Variants in CSNK1G2 observed in about 807,000 individuals in gnomAD.
The protein encoded by CSNK1G2 is casein kinase 1 gamma 2.
Under a neutral mutation model 48.0 loss-of-function variants are expected in CSNK1G2, and 11 were observed. That is an observed-to-expected ratio of 0.23 (90% CI 0.14 to 0.38). CSNK1G2 has a LOEUF of 0.38. Among genes scored for constraint, CSNK1G2 ranks in the 10% least tolerant of loss-of-function variants. The pLI, the probability that CSNK1G2 is intolerant of heterozygous loss-of-function variation, is 1.00. For synonymous variants in CSNK1G2, 337 were observed against 254.1 expected, an observed-to-expected ratio of 1.33 and a Z score of -3.10; for missense variants, 446 against 595.5, an observed-to-expected ratio of 0.75 and a Z score of 2.61.
intron 2 of CSNK1G2, among the ~76,000 whole-genome samples, chr19:1,973,476 C>T (rs2015646536): frequency 6.6e-6 from 1 of 152,246 alleles, no homozygotes; most frequent in Non-Finnish European, 1.5e-5. Context: ...TCTGAAAGTG[C>T]TGGGATTACA....
At chr19:1,960,542 C>T (rs1191633696) in intron 1 of CSNK1G2, among the ~76,000 whole-genome samples, 1 of 152,160 alleles carries the variant, frequency 6.6e-6, no homozygotes, top group African/African-American at 2.4e-5. Flanking sequence ...CTGGGGTCTC[C>T]GTGTGTGTGT....
chr19:1,941,463 C>T (rs1308451640), intron 1 of CSNK1G2, 45 bp downstream of exon 1: 2 of 147,268 alleles, frequency 1.4e-5, no homozygotes, highest in Non-Finnish European at 3.0e-5. Flanking sequence ...CCCCTGCACC[C>T]TGGCCCTGGG....
At chr19:1,955,889 G>T (rs12980373) in intron 1 of CSNK1G2, among the ~76,000 whole-genome samples, 4 of 152,062 alleles carry the variant, frequency 2.6e-5, no homozygotes. Context: ...CATCCAGGGG[G>T]CCAGAGAGAA....
chr19:1,971,668 C>T (rs2015575192), intron 2 of CSNK1G2, among the ~76,000 whole-genome samples: 1 of 152,192 alleles, frequency 6.6e-6, no homozygotes, highest in East Asian at 1.9e-4. Context: ...TTTTGGGAAC[C>T]CAGATGGCTA....
At position 1,980,014 on chromosome 19, in the gene CSNK1G2, C is replaced by A; in HGVS notation, c.1190C>A (p.Thr397Asn). ...APAEVEVADE[T>N]KCCCFFKRRK... ...GCAGAGGTGGAGGTGGCCGATGAAA[C>A]CAAGTAAGGCTCTGGGGCGGTGCCT... The change falls in exon 11 of 12, where the codon ACC becomes AAC. Residue 397 changes from threonine (T) to asparagine (N), a missense_variant. Physicochemically the swap from Thr to Asn is moderately conservative, Grantham distance 65. This residue lies in a region of CSNK1G2 where 188 missense variants were observed against 179.6 expected (regional missense o/e 1.05). Transcript: ENST00000255641. 2 of 1,576,602 alleles carry A rather than the reference C, an allele frequency of 1.3e-6. No homozygotes were observed. Among genetic ancestry groups the A allele is most frequent in the Non-Finnish European group, 1.7e-6 (2 of 1,161,010 alleles).
At chr19:1,975,207 C>T (rs988345430) in intron 2 of CSNK1G2, 2 of 985,378 alleles carry the variant, frequency 2.0e-6, no homozygotes, top group African/African-American at 1.7e-5. Flanking sequence ...TGAGGCCAGC[C>T]AGGCTGGGGA....
In CSNK1G2 at chr19:1,980,252, GC is replaced by G. The variant is rs2015937058; in HGVS notation, c.*50del. 1.2e-6 allele frequency: 2 copies of G among 1,607,208 alleles called. No individual in the cohort carries two copies. The highest frequency in any genetic ancestry group is 3.4e-5 in the Admixed American group (2 of 59,668). ...AATCTTCTCCGTGCAGCCCCTTGGG[GC>G]GCGACCTTGTGCGAGGCCCTCGGGG... On this transcript the variant is annotated 3_prime_UTR_variant, in exon 12 of 12. Coordinates refer to ENST00000255641, the MANE Select transcript of CSNK1G2 (RefSeq NM_001319.7).
intron 2 of CSNK1G2, among the ~76,000 whole-genome samples, chr19:1,971,159 T>C (rs754451090): frequency 1.4e-4 from 21 of 152,206 alleles, no homozygotes; most frequent in Non-Finnish European, 2.6e-4. Context: ...GGCAGAAGTG[T>C]GTGTCCTATG....
chr19:1,970,027 C>T (rs2015511411), intron 2 of CSNK1G2, 68 bp downstream of exon 2: 7 of 1,244,206 alleles, frequency 5.6e-6, no homozygotes, highest in Non-Finnish European at 7.1e-6. Flanking sequence ...GTCACCGGAG[C>T]CTCTGGTGGG....
At position 1,980,213 on chromosome 19, in the gene CSNK1G2, C is replaced by T. The variant is rs370422261; in HGVS notation, c.*10C>T. ...GCAGCGACACAAGTGACCCTGGGCGCGTGCAGCCCCCTGAATCTTCTCCGT... is the reference window on the plus strand; with the variant it reads ...GCAGCGACACAAGTGACCCTGGGCGTGTGCAGCCCCCTGAATCTTCTCCGT... On this transcript the variant is annotated 3_prime_UTR_variant, in exon 12 of 12. Coordinates refer to ENST00000255641, the MANE Select transcript of CSNK1G2 (RefSeq NM_001319.7). 7.6e-5 allele frequency: 122 copies of T among 1,612,578 alleles called. No individual in the cohort carries two copies. The highest frequency in any genetic ancestry group is 4.8e-5 in the Non-Finnish European group (57 of 1,179,738).
chr19:1,967,413 C>G (rs2015397770), intron 1 of CSNK1G2, among the ~76,000 whole-genome samples: 1 of 152,144 alleles, frequency 6.6e-6, no homozygotes, highest in African/African-American at 2.4e-5. Flanking sequence ...TGTGGTCCCC[C>G]TTCTTCAGTG....
intron 2 of CSNK1G2, among the ~76,000 whole-genome samples, chr19:1,977,720 T>C (rs996978239): frequency 5.4e-5 from 7 of 129,042 alleles, no homozygotes; most frequent in African/African-American, 2.1e-4. Flanking sequence ...GCCACTACAC[T>C]CCAGACTGGG....
chr19:1,942,837 C>CT (rs2014418433), intron 1 of CSNK1G2, among the ~76,000 whole-genome samples: 1 of 152,168 alleles, frequency 6.6e-6, no homozygotes, highest in African/African-American at 2.4e-5. Flanking sequence ...GTCACTGGTA[C>CT]TTTGTTTTGT....
chr19:1,962,197 G>T (rs2015220636), intron 1 of CSNK1G2, among the ~76,000 whole-genome samples: 1 of 152,124 alleles, frequency 6.6e-6, no homozygotes, highest in African/African-American at 2.4e-5. Context: ...CAGATGTGGT[G>T]GCAGGTGCCT....
intron 6 of CSNK1G2, 28 bp from the exon 7 acceptor site, chr19:1,979,135 C>T (rs1023378186): frequency 1.2e-5 from 18 of 1,551,650 alleles, no homozygotes; most frequent in Middle Eastern, 1.7e-4. Flanking sequence ...GCCCGGACCC[C>T]GCTGAGGCTG....
Position 1,978,840 on chromosome 19 carries a change from C to T in CSNK1G2, c.448-19C>T, listed in dbSNP as rs374130056. On this transcript the variant is annotated intron_variant, in intron 5 of 11. Coordinates refer to ENST00000255641, the MANE Select transcript of CSNK1G2 (RefSeq NM_001319.7). This position sits in a 1 kb window ranked among gnomAD's most constrained non-coding sequence, Gnocchi z 7.3. ...GGGACGGGGAGGGGCCCGGCCGACA[C>T]CGCCGTGCCCCCCTGCAGATCACGC... 1.9e-6 allele frequency: 3 copies of T among 1,594,998 alleles called. No individual in the cohort carries two copies. Among genetic ancestry groups the T allele is most frequent in the Middle Eastern group, 3.3e-4 (2 of 6,020 alleles).
intron 2 of CSNK1G2, chr19:1,975,808 G>A (rs771355197): frequency 5.2e-5 from 51 of 976,104 alleles, no homozygotes; most frequent in Non-Finnish European, 6.2e-5. Context: ...GGCTGATGTG[G>A]GCGGATCACC....
rs749045334 is a variant in CSNK1G2, at chr19:1,978,852, C to T, written c.448-7C>T. On this transcript the variant is annotated splice_polypyrimidine_tract_variant and splice_region_variant and intron_variant, in intron 5 of 11. Coordinates refer to ENST00000255641, the MANE Select transcript of CSNK1G2 (RefSeq NM_001319.7). The surrounding 1 kb of genome is among the most constrained non-coding windows in gnomAD (Gnocchi z 7.3). ...GGCCCGGCCGACACCGCCGTGCCCC[C>T]CTGCAGATCACGCGCATGGAGTATG... 1.3e-6 allele frequency: 2 copies of T among 1,599,762 alleles called. No homozygotes were observed. The highest frequency in any genetic ancestry group is 1.7e-5 in the Admixed American group (1 of 59,570).
chr19:1,946,706 G>A (rs1038648833), intron 1 of CSNK1G2, among the ~76,000 whole-genome samples: 47 of 151,268 alleles, frequency 3.1e-4, no homozygotes, highest in African/African-American at 1.0e-3. Context: ...TCCGCCTCCC[G>A]GGTTCACGCC....
Sources: allele counts gnomAD v4.1 joint callset (sites outside exome capture counted in the v4.1 genomes callset), GRCh38; gene constraint gnomAD v4.1.1; regional missense constraint gnomAD v4.1.1; non-coding constraint Gnocchi (gnomAD v3.1); transcripts MANE v1.5; gene names NCBI Gene and HGNC (gene_info 2026-07-23, HGNC 2026-07-21).